Variants in PDGFC observed in about 807,000 individuals in gnomAD.
The protein encoded by PDGFC is platelet-derived growth factor C.
A neutral mutation model predicts 35.5 loss-of-function variants in PDGFC; 12 were observed. That is an observed-to-expected ratio of 0.34 (90% confidence interval 0.22 to 0.55). PDGFC has a LOEUF of 0.55. PDGFC is among the 20% of genes least tolerant of loss of function. PDGFC has a pLI of 0.91. For synonymous variants in PDGFC, 159 were observed against 148.8 expected, an observed-to-expected ratio of 1.07 and a Z score of -0.50; for missense variants, 322 against 412.4, an observed-to-expected ratio of 0.78 and a Z score of 1.90.
chr4:156,801,312 T>C lies in PDGFC; in HGVS notation c.495+9525A>G, dbSNP rs139153765. Among the ~76,000 whole-genome samples, 11 of 152,240 alleles carry C rather than the reference T, an allele frequency of 7.2e-5. No individual in the cohort carries two copies. In the East Asian group the frequency reaches 2.1e-3, roughly 29 times the overall value. ...GCCTCTGAATTTTGGGGAGGCTGAT[T>C]TGAGTAATAATAAAGCTCCAGCCTC... On this transcript the variant is annotated intron_variant, in intron 3 of 5. Transcript: ENST00000502773.
At chr4:156,822,218 G>A (rs1732282185) in intron 2 of PDGFC, among the ~76,000 whole-genome samples, 1 of 151,936 alleles carries the variant, frequency 6.6e-6, no homozygotes, top group African/African-American at 2.4e-5. Context: ...AATTAGCCGG[G>A]CGTGGTGGTG....
intron 3 of PDGFC, among the ~76,000 whole-genome samples, chr4:156,787,428 G>C (rs28561464): frequency 0.12 from 18,910 of 152,134 alleles, 1,659 homozygotes; most frequent in African/African-American, 0.24. Context: ...TCTGACAAAT[G>C]ATGAGGCAAA....
chr4:156,898,218 A>C (rs1005444776), intron 1 of PDGFC, among the ~76,000 whole-genome samples: 1 of 152,152 alleles, frequency 6.6e-6, no homozygotes, highest in African/African-American at 2.4e-5. Flanking sequence ...TGAACTGAGA[A>C]GTGGGCCCTC....
At chr4:156,918,901 T>C (rs1044320087) in intron 1 of PDGFC, among the ~76,000 whole-genome samples, 17 of 152,228 alleles carry the variant, frequency 1.1e-4, no homozygotes, top group African/African-American at 4.1e-4. Context: ...GCTTTGAATG[T>C]ACAGTTCATG....
chr4:156,917,856 G>A (rs1021301370), intron 1 of PDGFC, among the ~76,000 whole-genome samples: 1 of 152,128 alleles, frequency 6.6e-6, no homozygotes, highest in Non-Finnish European at 1.5e-5. Context: ...ATTTTCATTA[G>A]ATGTTCAAGT....
At chr4:156,836,427 A>G (rs1485210809) in intron 2 of PDGFC, among the ~76,000 whole-genome samples, 1 of 152,176 alleles carries the variant, frequency 6.6e-6, no homozygotes, top group African/African-American at 2.4e-5. Flanking sequence ...ACATATTTTA[A>G]TCTAATAACT....
At position 156,945,807 on chromosome 4, in the gene PDGFC, C is replaced by T. The variant is rs142387215; in HGVS notation, c.118+24979G>A. 5.4e-3 allele frequency among the ~76,000 whole-genome samples: 818 copies of T among 152,038 alleles called. 12 individuals carry two copies. The highest frequency in any genetic ancestry group is 0.019 in the African/African-American group (770 of 41,498). On this transcript the variant is annotated intron_variant, in intron 1 of 5. Coordinates refer to ENST00000502773, the MANE Select transcript of PDGFC (RefSeq NM_016205.3). ...TCTCTGAAAAACATCCAACATTGTA[C>T]CACTCTCTCCCTCTATTATAATATT...
chr4:156,783,323 A>T (rs565331539), intron 3 of PDGFC, among the ~76,000 whole-genome samples: 13 of 152,064 alleles, frequency 8.5e-5, no homozygotes, highest in Non-Finnish European at 1.9e-4. Context: ...GTCAAAAGAG[A>T]TGTTAAGGAA....
intron 2 of PDGFC, among the ~76,000 whole-genome samples, chr4:156,838,228 C>T (rs1411250049): frequency 6.6e-6 from 1 of 152,208 alleles, no homozygotes; most frequent in African/African-American, 2.4e-5. Flanking sequence ...GTACCACCAG[C>T]ACCTCTTCCT....
At chr4:156,880,742 A>C (rs1730221749) in intron 1 of PDGFC, among the ~76,000 whole-genome samples, 1 of 152,204 alleles carries the variant, frequency 6.6e-6, no homozygotes, top group African/African-American at 2.4e-5. Context: ...TGTGGTGGAA[A>C]TAAAAAGAGA....
At chr4:156,952,384 T>C (rs1365664739) in intron 1 of PDGFC, among the ~76,000 whole-genome samples, 1 of 151,904 alleles carries the variant, frequency 6.6e-6, no homozygotes, top group East Asian at 1.9e-4. Context: ...GCAACATTTA[T>C]CACTACGTAG....
chr4:156,790,086 T>G (rs920771686), intron 3 of PDGFC, among the ~76,000 whole-genome samples: 3 of 152,048 alleles, frequency 2.0e-5, no homozygotes. Flanking sequence ...GGATTCACCA[T>G]TTATCATTTT....
At position 156,825,593 on chromosome 4, in the gene PDGFC, TAAGAAGAAGAAGAAGAAG is replaced by T. The variant is rs60033232; in HGVS notation, c.315-14594_315-14577del. On this transcript the variant is annotated intron_variant, in intron 2 of 5. Coordinates refer to ENST00000502773, the MANE Select transcript of PDGFC (RefSeq NM_016205.3). ...ATAATAATAATAATAATAATAATAATAAGAAGAAGAAGAAGAAGAAGAAGAAGAAGAAGAAGAAGAAGA... is the reference window on the plus strand; with the variant it reads ...ATAATAATAATAATAATAATAATAATAAGAAGAAGAAGAAGAAGAAGAAGA... Among the ~76,000 whole-genome samples the T allele has an allele frequency of 5.3e-3, 331 of 62,178 alleles. 4 individuals are homozygous for T. The highest frequency in any genetic ancestry group is 0.02 in the African/African-American group (259 of 12,686). 40.8% of individuals were successfully genotyped at this position (62,178 alleles called of 152,430 possible).
At chr4:156,968,287 T>C (rs1732512259) in intron 1 of PDGFC, among the ~76,000 whole-genome samples, 1 of 152,144 alleles carries the variant, frequency 6.6e-6, no homozygotes, top group African/African-American at 2.4e-5. Context: ...AGTCATAATA[T>C]ATCAATTTGG....
intron 1 of PDGFC, among the ~76,000 whole-genome samples, chr4:156,968,375 T>C (rs1466492741): frequency 6.6e-6 from 1 of 152,148 alleles, no homozygotes; most frequent in East Asian, 1.9e-4. Flanking sequence ...CTACGTGGTA[T>C]CCTCAAGGAG....
chr4:156,890,581 C>A (rs1730479249), intron 1 of PDGFC, among the ~76,000 whole-genome samples: 1 of 152,198 alleles, frequency 6.6e-6, no homozygotes, highest in African/African-American at 2.4e-5. Context: ...GTGAAAGCTT[C>A]TTCCTACCCA....
At chr4:156,967,374 G>A (rs1732491078) in intron 1 of PDGFC, 2 of 152,058 alleles carry the variant, frequency 1.3e-5, no homozygotes, top group Non-Finnish European at 2.9e-5. Flanking sequence ...AAAAGGGCAC[G>A]ACCAGCAGAC....
chr4:156,955,660 C>T (rs1420454639), intron 1 of PDGFC, among the ~76,000 whole-genome samples: 2 of 151,872 alleles, frequency 1.3e-5, no homozygotes, highest in Non-Finnish European at 2.9e-5. Flanking sequence ...TGTAAGAATA[C>T]AAGCATAAAC....
intron 1 of PDGFC, among the ~76,000 whole-genome samples, chr4:156,853,954 C>A (rs1729514795): frequency 1.3e-5 from 2 of 152,034 alleles, no homozygotes; most frequent in Admixed American, 1.3e-4. Context: ...CAGAGCAAGA[C>A]CTTGCCTCAA....
Sources: gnomAD v4.1 joint callset for allele counts (sites outside exome capture counted in the v4.1 genomes callset) on GRCh38, gnomAD v4.1.1 for gene constraint, MANE v1.5 for transcripts, NCBI Gene and HGNC (gene_info 2026-07-23, HGNC 2026-07-21) for gene names.